AKNAD1: variants seen among roughly 807,000 people sequenced by gnomAD.
AKNAD1 encodes protein AKNAD1.
In AKNAD1, 67 loss-of-function variants were observed where a neutral mutation model predicts 90.8. The observed-to-expected ratio is 0.74, with a 90% CI of 0.61 to 0.90. The LOEUF (loss-of-function observed/expected upper bound fraction) is 0.90, where lower values mean the gene tolerates loss of function less well. AKNAD1 is among the 40% of genes least tolerant of loss of function. The probability of loss-of-function intolerance (pLI) is 0.00; values close to 1 mark genes in which losing one functional copy is unlikely to be tolerated. For missense variants in AKNAD1, 957 were observed against 975.4 expected (o/e 0.98, Z 0.25); for synonymous variants, 327 against 341.4 (o/e 0.96, Z 0.46).
intron 7 of AKNAD1, among the ~76,000 whole-genome samples, chr1:108,836,472 C>T (rs1213282643): frequency 2.9e-5 from 3 of 101,796 alleles, no homozygotes; most frequent in East Asian, 3.0e-4. Context: ...CCTCCAGGTG[C>T]GGGGGATTGG....
chr1:108,857,718 G>A (rs1665087714), upstream of AKNAD1, among the ~76,000 whole-genome samples: 1 of 152,188 alleles, frequency 6.6e-6, no homozygotes. Context: ...GGAGAAAGCA[G>A]GCATTGTTTC....
intron 6 of AKNAD1, among the ~76,000 whole-genome samples, chr1:108,840,472 C>T (rs2101197479): frequency 6.6e-6 from 1 of 152,320 alleles, no homozygotes; most frequent in Middle Eastern, 3.4e-3. Flanking sequence ...AAATTCAATA[C>T]ATTCCTAAGC....
intron 5 of AKNAD1, among the ~76,000 whole-genome samples, chr1:108,847,615 A>C (rs1664740055): frequency 6.6e-6 from 1 of 150,448 alleles, no homozygotes; most frequent in African/African-American, 2.5e-5. Context: ...CAGTGCCCAC[A>C]GCTCCTCACA....
At chr1:108,827,801 G>A (rs528335519) in intron 10 of AKNAD1, among the ~76,000 whole-genome samples, 3 of 129,968 alleles carry the variant, frequency 2.3e-5, no homozygotes, top group Non-Finnish European at 4.8e-5. Context: ...GTGACAGAGC[G>A]AGACTCCTAC....
In AKNAD1 at chr1:108,849,011, T is replaced by A; in HGVS notation, c.1083A>T (p.Lys361Asn). 6.2e-7 allele frequency: 1 copy of A among 1,610,926 alleles called. No homozygotes were observed. Among genetic ancestry groups the A allele is most frequent in the African/African-American group, 1.3e-5 (1 of 74,912 alleles). ...SLSKLSPTSQKGTSSSSSYIF... is the reference protein window; with the variant it reads ...SLSKLSPTSQNGTSSSSSYIF... ...TGTAAGAAGAACTTGAGGAAGTGCC[T>A]TTCTGAGAGGTTGGTGACAACTTAG... Residue 361 changes from lysine (K) to asparagine (N), a missense_variant, in exon 4 of 16, where the codon AAA (lysine) becomes AAT (asparagine). Lys to Asn is a moderately conservative substitution (Grantham distance 94, BLOSUM62 0). Coordinates refer to ENST00000370001, the MANE Select transcript of AKNAD1 (RefSeq NM_152763.5).
intron 11 of AKNAD1, among the ~76,000 whole-genome samples, chr1:108,825,711 A>G (rs1338525): frequency 0.47 from 71,000 of 151,206 alleles, 17,569 homozygotes; most frequent in Non-Finnish European, 0.53. Flanking sequence ...TTGCTTGTGC[A>G]AATCATTTAG....
chr1:108,822,461 T>G (rs1386081870), intron 13 of AKNAD1, among the ~76,000 whole-genome samples: 1 of 152,162 alleles, frequency 6.6e-6, no homozygotes, highest in African/African-American at 2.4e-5. Context: ...AAGAAATCTG[T>G]CCTGTGGCTT....
At chr1:108,824,961 G>C (rs1002316338) in intron 11 of AKNAD1, among the ~76,000 whole-genome samples, 1 of 151,552 alleles carries the variant, frequency 6.6e-6, no homozygotes, top group Non-Finnish European at 1.5e-5. Flanking sequence ...TCCAAACCTA[G>C]GCCATGAAAG....
chr1:108,839,429 C>T (rs965669120), intron 6 of AKNAD1, among the ~76,000 whole-genome samples: 15 of 137,076 alleles, frequency 1.1e-4, no homozygotes, highest in African/African-American at 2.6e-4. Flanking sequence ...GCCAAGATCG[C>T]GCCACTGCAC....
At chr1:108,834,795 G>T in intron 8 of AKNAD1, 134 bp downstream of exon 8, 4 of 1,379,908 alleles carry the variant, frequency 2.9e-6, no homozygotes, top group Non-Finnish European at 2.9e-6. Context: ...GAGGAGCCAG[G>T]CTACCAGGCT....
At position 108,851,750 on chromosome 1, in the gene AKNAD1, G is replaced by A; in HGVS notation, c.915C>T (p.Thr305=). ...KPTLVQDSLE[T]TPESNCVEKQ... ...TTTCAACACAGTTTGACTCAGGCGT[G>A]GTTTCTAGACTATCTTGCACAAGAG... The change falls in exon 2 of 16, where the codon ACC becomes ACT. Residue 305 remains threonine, a synonymous_variant. Transcript: ENST00000370001. The A allele has an allele frequency of 6.2e-7, 1 of 1,612,638 alleles. No homozygotes were observed. The highest frequency in any genetic ancestry group is 8.5e-7 in the Non-Finnish European group (1 of 1,179,594).
intron 11 of AKNAD1, among the ~76,000 whole-genome samples, chr1:108,826,731 C>CT (rs1557827086): frequency 7.7e-6 from 1 of 130,010 alleles, no homozygotes; most frequent in African/African-American, 3.0e-5. Context: ...TTTTTCTTTT[C>CT]TTTTCTTTTT....
At chr1:108,832,320 A>G (rs1664228503) in intron 9 of AKNAD1, among the ~76,000 whole-genome samples, 1 of 149,740 alleles carries the variant, frequency 6.7e-6, no homozygotes, top group African/African-American at 2.5e-5. Context: ...CCCAATTTCA[A>G]GTGATTCTCC....
At chr1:108,841,064 T>C (rs1304672520) in intron 6 of AKNAD1, among the ~76,000 whole-genome samples, 1 of 152,022 alleles carries the variant, frequency 6.6e-6, no homozygotes, top group African/African-American at 2.4e-5. Context: ...TCCCAGCTAT[T>C]CTGGAGGCTA....
At position 108,832,201 on chromosome 1, in the gene AKNAD1, A is replaced by G. The variant is rs542911109; in HGVS notation, c.1747-1551T>C. The stretch of plus-strand genomic sequence containing the variant: ...TTTAACTTTTACCTATCTGACTGGT[A>G]TGCTGTGTTCTTTTTTTTTTTTTTT... On this transcript the variant is annotated intron_variant, in intron 9 of 15. Coordinates refer to ENST00000370001, the MANE Select transcript of AKNAD1 (RefSeq NM_152763.5). 2.9e-5 allele frequency among the ~76,000 whole-genome samples: 4 copies of G among 139,274 alleles called. No individual in the cohort carries two copies. In the South Asian group the frequency reaches 9.4e-4, roughly 33 times the overall value. The allele number at this position is 139,274 out of a possible 152,430, so 91.4% of individuals were successfully genotyped here.
At chr1:108,853,249 A>C (rs2101222281) in intron 1 of AKNAD1, among the ~76,000 whole-genome samples, 1 of 148,712 alleles carries the variant, frequency 6.7e-6, no homozygotes, top group East Asian at 2.0e-4. Context: ...CTCCTGCCTC[A>C]GCCTCCCGAG....
chr1:108,842,983 T>C (rs1033399453), intron 6 of AKNAD1, 151 bp downstream of exon 6: 1 of 956,438 alleles, frequency 1.0e-6, no homozygotes, highest in African/African-American at 1.6e-5. Flanking sequence ...CTGTCTGTGG[T>C]ATTAGGTGAC....
chr1:108,824,274 C>CAG (rs1406597875), intron 11 of AKNAD1, among the ~76,000 whole-genome samples: 1 of 152,138 alleles, frequency 6.6e-6, no homozygotes, highest in East Asian at 1.9e-4. Flanking sequence ...CAGGTAAGGC[C>CAG]AGAGTATGAA....
intron 13 of AKNAD1, among the ~76,000 whole-genome samples, chr1:108,821,883 C>T (rs1337420446): frequency 6.6e-6 from 1 of 152,078 alleles, no homozygotes; most frequent in African/African-American, 2.4e-5. Context: ...CTCGTTCTCC[C>T]TCCAGGTCTC....
Sources: allele counts gnomAD v4.1 joint callset (sites outside exome capture counted in the v4.1 genomes callset), GRCh38; gene constraint gnomAD v4.1.1; transcripts MANE v1.5; gene names NCBI Gene and HGNC (gene_info 2026-07-23, HGNC 2026-07-21).